Variants in BIRC6 observed in about 807,000 individuals in gnomAD.
BIRC6 encodes baculoviral IAP repeat containing 6.
BIRC6 carries 98 observed loss-of-function variants against 503.3 expected under a neutral mutation model. That is an observed-to-expected ratio of 0.19 (90% CI 0.17 to 0.23). BIRC6 has a LOEUF of 0.23. BIRC6 is among the 10% of genes least tolerant of loss of function. BIRC6 has a pLI of 1.00. For synonymous variants in BIRC6, 2,240 were observed against 2,078.7 expected (o/e 1.08, Z -2.11); for missense variants, 5,360 against 5,806.0 (o/e 0.92, Z 2.50).
rs1045039651 is a variant in BIRC6, at chr2:32,357,596, G to C, written c.325+110G>C. ...CGAGATGGCGAGAGGGCAGGGCTGG[G>C]GGTTCGGGCCCAGCCGTGAAGGGAG... is the stretch of plus-strand genomic sequence containing the variant. On this transcript the variant is annotated intron_variant, in intron 1 of 73. Transcript: ENST00000421745. This position sits in a 1 kb window ranked among gnomAD's most constrained non-coding sequence, Gnocchi z 4.9. The C allele has an allele frequency of 8.2e-6, 12 of 1,470,092 alleles. No homozygotes were observed. The highest frequency in any genetic ancestry group is 1.1e-5 in the Non-Finnish European group (12 of 1,118,600). The allele number at this position is 1,470,092 out of a possible 1,614,324, so 91.1% of individuals were successfully genotyped here.
At chr2:32,481,627 G>T (rs371225361) in intron 38 of BIRC6, among the ~76,000 whole-genome samples, 174 bp downstream of exon 38, 1 of 152,036 alleles carries the variant, frequency 6.6e-6, no homozygotes. Flanking sequence ...TTAGCTGGAC[G>T]TGGTGGCGGG....
intron 69 of BIRC6, 89 bp downstream of exon 69, chr2:32,598,057 C>T: frequency 1.7e-6 from 2 of 1,206,534 alleles, no homozygotes; most frequent in East Asian, 2.6e-5. Flanking sequence ...AAATACTATA[C>T]AAATAAATTA....
intron 65 of BIRC6, among the ~76,000 whole-genome samples, chr2:32,570,483 C>CATTT (rs1335083931): frequency 2.0e-5 from 3 of 149,896 alleles, no homozygotes; most frequent in Non-Finnish European, 3.0e-5. Context: ...AGTGCGTGGC[C>CATTT]ATTTATTTGT....
chr2:32,387,472 G>A (rs1220596619), intron 3 of BIRC6, among the ~76,000 whole-genome samples: 1 of 152,074 alleles, frequency 6.6e-6, no homozygotes, highest in East Asian at 1.9e-4. Flanking sequence ...TTACATTATA[G>A]ACTTATTTCT....
At chr2:32,555,914 C>CAAAAAAAA (rs372061622) in intron 65 of BIRC6, among the ~76,000 whole-genome samples, 1 of 86,076 alleles carries the variant, frequency 1.2e-5, no homozygotes, top group African/African-American at 4.3e-5. Flanking sequence ...GACCCTATCT[C>CAAAAAAAA]AAAAAAAAAA....
Position 32,481,397 on chromosome 2 carries a change from A to T in BIRC6, c.7486A>T (p.Ile2496Phe). 1 of 1,612,236 alleles carries T rather than the reference A, an allele frequency of 6.2e-7. No homozygotes were observed. Reference sequence around the variant, plus strand: ...ACTTCAGGATCTAATGGAAGTTGACATTGATCCTTTAGATATTGATTTGGA... The same window carrying T: ...ACTTCAGGATCTAATGGAAGTTGACTTTGATCCTTTAGATATTGATTTGGA... ...ELLQDLMEVD[I>F]DPLDIDLEKD... The change falls in exon 38 of 74, where the codon ATT (isoleucine) becomes TTT (phenylalanine). Residue 2496 changes from isoleucine to phenylalanine, a missense_variant. Ile to Phe is a conservative substitution (Grantham distance 21). This residue lies in a region of BIRC6 where 2,299 missense variants were observed against 2,267.2 expected (regional missense o/e 1.01). Coordinates refer to ENST00000421745, the MANE Select transcript of BIRC6 (RefSeq NM_016252.4).
chr2:32,612,381 C>T (rs2062939751), intron 73 of BIRC6, among the ~76,000 whole-genome samples: 1 of 152,030 alleles, frequency 6.6e-6, no homozygotes, highest in Non-Finnish European at 1.5e-5. Flanking sequence ...TCTGTCTACC[C>T]ACGGAGATCT....
Position 32,357,029 on chromosome 2 carries a change from C to T in BIRC6, c.-133C>T. ...CCCGCGCCCCGGGCCCCGCCTCCCT[C>T]CCTGCTTCTCCCCCTCTCCCGTCAG... On this transcript the variant is annotated 5_prime_UTR_variant, in exon 1 of 74. Coordinates refer to ENST00000421745, the MANE Select transcript of BIRC6 (RefSeq NM_016252.4). The surrounding 1 kb of genome is among the most constrained non-coding windows in gnomAD (Gnocchi z 4.9). 3.7e-6 allele frequency: 3 copies of T among 812,404 alleles called. No individual in the cohort carries two copies. Among genetic ancestry groups the T allele is most frequent in the Non-Finnish European group, 5.3e-6 (3 of 561,026 alleles). The allele number at this position is 812,404 out of a possible 1,614,324, so 50.3% of individuals were successfully genotyped here.
At chr2:32,596,583 T>A (rs1269113248) in intron 68 of BIRC6, among the ~76,000 whole-genome samples, 1 of 151,932 alleles carries the variant, frequency 6.6e-6, no homozygotes, top group East Asian at 1.9e-4. Context: ...GTGTACAGCA[T>A]CACTCACTAA....
chr2:32,420,397 C>G (rs888194763), intron 10 of BIRC6, among the ~76,000 whole-genome samples: 3 of 152,068 alleles, frequency 2.0e-5, no homozygotes, highest in African/African-American at 7.2e-5. Context: ...TTTATAGAGA[C>G]TTCCTAAGGT....
chr2:32,477,575 G>T lies in BIRC6; in HGVS notation c.7060G>T (p.Val2354Phe). The T allele has an allele frequency of 6.2e-7, 1 of 1,612,870 alleles. No homozygotes were observed. The highest frequency in any genetic ancestry group is 8.5e-7 in the Non-Finnish European group (1 of 1,179,228). ...FTCHADLLLF[V>F]CKVLARIANA... is the part of the protein sequence containing the mutation. The stretch of plus-strand genomic sequence containing the variant: ...ATGTCATGCAGATCTCTTATTGTTT[G>T]TTTGTAAGGTATGTAAACTATAAGT... Residue 2354 changes from valine to phenylalanine, a missense_variant, in exon 35 of 74, where the codon GTT (valine) becomes TTT (phenylalanine). By Grantham distance (50) the Val-to-Phe change is conservative. Coordinates refer to ENST00000421745, the MANE Select transcript of BIRC6 (RefSeq NM_016252.4).
In BIRC6 at chr2:32,479,562, G is replaced by A. The variant is rs1438929762; in HGVS notation, c.7353G>A (p.Gln2451=). 1 of 1,609,542 alleles carries A rather than the reference G, an allele frequency of 6.2e-7. No homozygotes were observed. Among genetic ancestry groups the A allele is most frequent in the Admixed American group, 1.7e-5 (1 of 59,512 alleles). Residue 2451 remains glutamine, a synonymous_variant, in exon 37 of 74, where the codon CAG becomes CAA. Coordinates refer to ENST00000421745, the MANE Select transcript of BIRC6 (RefSeq NM_016252.4). ...GTGACTCTGATGACTCCCTTCAACAGTCCTCAGTTCAGTTGCTGGAAACTA... is the reference window on the plus strand; with the variant it reads ...GTGACTCTGATGACTCCCTTCAACAATCCTCAGTTCAGTTGCTGGAAACTA... ...TAGDSDDSLQ[Q]SSVQLLETID... is the part of the protein sequence containing the mutation.
At chr2:32,585,605 C>A (rs1362315586) in intron 66 of BIRC6, among the ~76,000 whole-genome samples, 2 of 152,138 alleles carry the variant, frequency 1.3e-5, no homozygotes, top group East Asian at 1.9e-4. Context: ...TTCGTGAACT[C>A]CTGACCTCAG....
At chr2:32,534,360 G>A (rs1183669452) in intron 61 of BIRC6, among the ~76,000 whole-genome samples, 2 of 133,786 alleles carry the variant, frequency 1.5e-5, no homozygotes, top group African/African-American at 5.6e-5. Flanking sequence ...GGTGACAAGA[G>A]TGAAATTCCA....
Position 32,511,201 on chromosome 2 carries a change from C to CT in BIRC6, c.10346+594dup. 9.0e-3 allele frequency among the ~76,000 whole-genome samples: 440 copies of CT among 48,620 alleles called. 4 individuals carry two copies. The highest frequency in any genetic ancestry group is 0.01 in the Non-Finnish European group (286 of 28,022). 31.9% of individuals were successfully genotyped at this position (48,620 alleles called of 152,430 possible). A position where few individuals can be genotyped will look rare whatever the true frequency, so the allele number is the denominator to read the frequency against. On this transcript the variant is annotated intron_variant, in intron 53 of 73. Transcript: ENST00000421745. ...TTTAGTGATTTTTTTCTTTTCTTTT[C>CT]TTTTTTTTTTTTTTTTTTTTTTTTT...
chr2:32,367,875 G>A (rs901098561), intron 1 of BIRC6, among the ~76,000 whole-genome samples: 5 of 152,130 alleles, frequency 3.3e-5, no homozygotes, highest in African/African-American at 1.2e-4. Flanking sequence ...TGTTAAATCA[G>A]GGATGCATCT....
chr2:32,557,666 A>G (rs533867401), intron 65 of BIRC6: 2 of 152,264 alleles, frequency 1.3e-5, no homozygotes, highest in Non-Finnish European at 2.9e-5. Flanking sequence ...TGTTAGAGCC[A>G]GGTTTTGCCC....
intron 5 of BIRC6, among the ~76,000 whole-genome samples, chr2:32,393,010 T>C (rs549395841): frequency 6.6e-6 from 1 of 152,280 alleles, no homozygotes; most frequent in Non-Finnish European, 1.5e-5. Flanking sequence ...TCTCTTTTGA[T>C]GCATGTTTAT....
intron 2 of BIRC6, 102 bp downstream of exon 2, chr2:32,377,871 A>G (rs1209887569): frequency 3.0e-6 from 3 of 1,001,620 alleles, no homozygotes; most frequent in East Asian, 2.7e-5. Context: ...GTTATTATAT[A>G]TATTGCTATA....
Sources: gnomAD v4.1 joint callset for allele counts (sites outside exome capture counted in the v4.1 genomes callset) on GRCh38, gnomAD v4.1.1 for gene constraint, gnomAD v4.1.1 regional missense constraint, Gnocchi (gnomAD v3.1) non-coding constraint, MANE v1.5 for transcripts, NCBI Gene and HGNC (gene_info 2026-07-23, HGNC 2026-07-21) for gene names.